Variants in ZC3H14 observed in about 807,000 individuals in gnomAD.
ZC3H14 encodes the protein zinc finger CCCH domain-containing protein 14.
ZC3H14 carries 31 observed loss-of-function variants against 92.4 expected under a neutral mutation model. The observed-to-expected ratio is 0.34, with a 90% CI of 0.25 to 0.45. The LOEUF (loss-of-function observed/expected upper bound fraction) is 0.45. Among genes scored for constraint, ZC3H14 ranks in the 20% least tolerant of loss-of-function variants. The pLI is 1.00. For missense variants in ZC3H14, 781 were observed against 897.3 expected, an observed-to-expected ratio of 0.87 and a Z score of 1.66; for synonymous variants, 321 against 300.9, an observed-to-expected ratio of 1.07 and a Z score of -0.69.
At chr14:88,563,401 C>T (rs2079120270) in intron 1 of ZC3H14, 1 of 1,433,686 alleles carries the variant, frequency 7.0e-7, no homozygotes, top group Non-Finnish European at 9.1e-7. Flanking sequence ...CAGGCGCAGG[C>T]CCGGCTGGAG....
rs1360835697 is a variant in ZC3H14 at position 88,596,589 on chromosome 14, A to G, written c.1280-145A>G. 5 of 727,944 alleles carry G rather than the reference A, an allele frequency of 6.9e-6. No homozygotes were observed. The Admixed American group carries it at 1.1e-4, about 16-fold the overall frequency. 45.1% of individuals were successfully genotyped at this position (727,944 alleles called of 1,614,324 possible). ...GTCTTACAGGATATGTCTTTGGTCT[A>G]TAAATACTATTAAATTGAATTGTTG... On this transcript the variant is annotated intron_variant, in intron 9 of 16. Transcript: ENST00000251038.
chr14:88,586,334 G>A (rs560544142), intron 9 of ZC3H14, among the ~76,000 whole-genome samples: 2 of 152,266 alleles, frequency 1.3e-5, no homozygotes, highest in African/African-American at 4.8e-5. Context: ...TATTTTTGAA[G>A]TATTTTTTTG....
Position 88,621,405 on chromosome 14 carries a change from G to A in ZC3H14, c.*9654G>A, listed in dbSNP as rs764505019. The A allele has an allele frequency of 7.2e-7, 1 of 1,384,438 alleles. No individual in the cohort carries two copies. Among genetic ancestry groups the A allele is most frequent in the Non-Finnish European group, 1.0e-6 (1 of 992,032 alleles). The allele number at this position is 1,384,438 out of a possible 1,614,324, so 85.8% of individuals were successfully genotyped here. On this transcript the variant is annotated 3_prime_UTR_variant, in exon 17 of 17. Transcript: ENST00000251038. ...TTGACCTGCTTTCAGAGAACTTTTT[G>A]CTTTGAGCTAATCTAGTAGCAAGGC... is the stretch of plus-strand genomic sequence containing the variant.
Position 88,568,970 on chromosome 14 carries a change from C to A in ZC3H14, c.194+817C>A, listed in dbSNP as rs1002802869. Among the ~76,000 whole-genome samples the A allele has an allele frequency of 3.3e-5, 5 of 152,194 alleles. No homozygotes were observed. In the South Asian group the frequency reaches 1.0e-3, roughly 32 times the overall value. Reference sequence around the variant, plus strand: ...AATCATGGCTCGCTGCAGCCTCGATCTCCTGGTTTCAAGTGATCATCCCAT... The same window carrying A: ...AATCATGGCTCGCTGCAGCCTCGATATCCTGGTTTCAAGTGATCATCCCAT... On this transcript the variant is annotated intron_variant, in intron 3 of 16. Coordinates refer to ENST00000251038, the MANE Select transcript of ZC3H14 (RefSeq NM_024824.5).
chr14:88,578,527 T>G lies in ZC3H14; in HGVS notation c.1279+387T>G, dbSNP rs189681946. ...ATGGAAAGGCTAGTACAGTGAACTCTCATGAACCCAGTCATTAAGCCTTAG... is the reference window on the plus strand; with the variant it reads ...ATGGAAAGGCTAGTACAGTGAACTCGCATGAACCCAGTCATTAAGCCTTAG... On this transcript the variant is annotated intron_variant, in intron 9 of 16. Transcript: ENST00000251038. Among the ~76,000 whole-genome samples, 3 of 152,352 alleles carry G rather than the reference T, an allele frequency of 2.0e-5. No individual in the cohort carries two copies. The East Asian group carries it at 5.8e-4, about 29-fold the overall frequency.
intron 9 of ZC3H14, among the ~76,000 whole-genome samples, chr14:88,584,525 A>G (rs1336443857): frequency 6.6e-6 from 1 of 152,250 alleles, no homozygotes; most frequent in Admixed American, 6.5e-5. Flanking sequence ...AAGCAAACAT[A>G]AAGATGCAGT....
At chr14:88,604,353 C>T (rs966011787) in intron 12 of ZC3H14, among the ~76,000 whole-genome samples, 1 of 152,042 alleles carries the variant, frequency 6.6e-6, no homozygotes, top group Non-Finnish European at 1.5e-5. Context: ...CCCTGCTGCT[C>T]AAGGATGAAG....
rs190576686 is a variant in ZC3H14 at position 88,563,973 on chromosome 14, C to G, written c.79+280C>G. Among the ~76,000 whole-genome samples, 5 of 152,154 alleles carry G rather than the reference C, an allele frequency of 3.3e-5. No individual in the cohort carries two copies. The East Asian group carries it at 9.7e-4, about 29-fold the overall frequency. Reference sequence around the variant, plus strand: ...TATGTTTTTCCTATTCTCTCTCTCTCTCATTTTAAATTCTAGGGACGGGTC... The same window carrying G: ...TATGTTTTTCCTATTCTCTCTCTCTGTCATTTTAAATTCTAGGGACGGGTC... On this transcript the variant is annotated intron_variant, in intron 2 of 16. Coordinates refer to ENST00000251038, the MANE Select transcript of ZC3H14 (RefSeq NM_024824.5).
chr14:88,588,496 G>C (rs1452108489), intron 9 of ZC3H14, among the ~76,000 whole-genome samples: 1 of 152,088 alleles, frequency 6.6e-6, no homozygotes, highest in Non-Finnish European at 1.5e-5. Context: ...CTTCAGTGTT[G>C]ATGCTGAGAA....
intron 6 of ZC3H14, among the ~76,000 whole-genome samples, chr14:88,573,471 T>C (rs1016806603): frequency 5.9e-5 from 9 of 152,168 alleles, no homozygotes; most frequent in African/African-American, 2.2e-4. Context: ...TTCACTCTTG[T>C]TGCCCAGGCT....
chr14:88,595,171 G>GT (rs553855935), intron 9 of ZC3H14: 4 of 1,593,896 alleles, frequency 2.5e-6, no homozygotes, highest in African/African-American at 1.3e-5. Context: ...ATCTTTCCAC[G>GT]TATGTTGACT....
chr14:88,596,629 T>A, intron 9 of ZC3H14, 105 bp from the exon 10 acceptor site: 1 of 932,884 alleles, frequency 1.1e-6, no homozygotes, highest in Non-Finnish European at 1.7e-6. Context: ...TTTAAGTTAC[T>A]TTTAAGACTT....
intron 3 of ZC3H14, among the ~76,000 whole-genome samples, chr14:88,570,053 C>T (rs1471320666): frequency 6.6e-6 from 1 of 152,052 alleles, no homozygotes; most frequent in Non-Finnish European, 1.5e-5. Context: ...TCTCCGATAA[C>T]TTGATAGAAT....
At chr14:88,572,373 T>A in intron 5 of ZC3H14, 148 bp downstream of exon 5, 1 of 1,099,192 alleles carries the variant, frequency 9.1e-7, no homozygotes, top group Non-Finnish European at 1.3e-6. Flanking sequence ...AAATAATGGA[T>A]AAGATCTAAG....
chr14:88,599,034 G>A (rs1390921700), intron 10 of ZC3H14, among the ~76,000 whole-genome samples: 2 of 152,248 alleles, frequency 1.3e-5, no homozygotes, highest in Non-Finnish European at 2.9e-5. Flanking sequence ...GTTGCAGTGA[G>A]CTGAGCTCGC....
At chr14:88,565,088 C>G (rs1018997654) in intron 2 of ZC3H14, among the ~76,000 whole-genome samples, 4 of 152,094 alleles carry the variant, frequency 2.6e-5, no homozygotes, top group African/African-American at 9.7e-5. Flanking sequence ...TTCACAGCTT[C>G]CCAGTACTTA....
chr14:88,567,170 C>T (rs1595483715), intron 2 of ZC3H14, among the ~76,000 whole-genome samples: 1 of 147,282 alleles, frequency 6.8e-6, no homozygotes, highest in East Asian at 2.0e-4. Flanking sequence ...GGCTGGAGTG[C>T]AGTGGCAGGA....
chr14:88,566,273 A>T (rs1186063775), intron 2 of ZC3H14, among the ~76,000 whole-genome samples: 3 of 152,026 alleles, frequency 2.0e-5, no homozygotes, highest in African/African-American at 7.2e-5. Flanking sequence ...TAATGAATTA[A>T]TAAATACTTT....
intron 9 of ZC3H14, among the ~76,000 whole-genome samples, chr14:88,584,999 G>A (rs563221174): frequency 6.6e-6 from 1 of 152,300 alleles, no homozygotes; most frequent in South Asian, 2.1e-4. Flanking sequence ...CTGCAGCTAC[G>A]TTGGCAACAG....
Sources: allele counts gnomAD v4.1 joint callset (sites outside exome capture counted in the v4.1 genomes callset), GRCh38; gene constraint gnomAD v4.1.1; transcripts MANE v1.5; gene names NCBI Gene and HGNC (gene_info 2026-07-23, HGNC 2026-07-21).